The following PIK3C2G variants were observed in gnomAD, a reference collection of about 807,000 sequenced individuals.
PIK3C2G encodes the protein phosphatidylinositol-4-phosphate 3-kinase catalytic subunit type 2 gamma.
A neutral mutation model predicts 181.1 loss-of-function variants in PIK3C2G; 168 were observed. The ratio of observed to expected loss-of-function variants is 0.93; its 90% CI spans 0.82 to 1.05. The LOEUF (loss-of-function observed/expected upper bound fraction) is 1.05, where lower values mean the gene tolerates loss of function less well. Ranked by LOEUF, PIK3C2G falls within the 50% of genes least tolerant of loss-of-function variation. PIK3C2G has a pLI of 0.00. For synonymous variants in PIK3C2G, 573 were observed against 592.2 expected (o/e 0.97, Z 0.47); for missense variants, 1,869 against 1,732.8 (o/e 1.08, Z -1.40).
At chr12:18,539,137 C>G (rs934503057) in intron 25 of PIK3C2G, among the ~76,000 whole-genome samples, 3 of 151,920 alleles carry the variant, frequency 2.0e-5, no homozygotes, top group Admixed American at 1.3e-4. Context: ...GTTAAGGGTA[C>G]AAACATGGCA....
At chr12:18,698,613 A>C in the PIK3C2G span, among the ~76,000 whole-genome samples, 91 of 152,252 alleles carry the variant, frequency 6.0e-4, 1 homozygote, top group African/African-American at 1.9e-3. Flanking sequence ...GTATTTCTAC[A>C]CAAGATGGTA....
chr12:18,633,217 TATG>T (rs1949426679), intron 31 of PIK3C2G, among the ~76,000 whole-genome samples: 1 of 152,228 alleles, frequency 6.6e-6, no homozygotes, highest in African/African-American at 2.4e-5. Flanking sequence ...GCTTAAATAC[TATG>T]ATATTAATAT....
intron 5 of PIK3C2G, among the ~76,000 whole-genome samples, chr12:18,295,652 T>C (rs1949907324): frequency 6.6e-6 from 1 of 152,026 alleles, no homozygotes. Context: ...AAAATTTATT[T>C]AATTGGGTTT....
downstream of PIK3C2G, among the ~76,000 whole-genome samples, chr12:18,652,928 TCACA>T (rs1410062186): frequency 6.6e-6 from 1 of 151,782 alleles, no homozygotes; most frequent in East Asian, 1.9e-4. Context: ...ATATTCTGTC[TCACA>T]CAGAGAGAGA....
At chr12:18,726,359 G>A in the PIK3C2G span, among the ~76,000 whole-genome samples, 2 of 151,982 alleles carry the variant, frequency 1.3e-5, no homozygotes, top group Non-Finnish European at 2.9e-5. Context: ...GTTATTCTTT[G>A]CAAAGCATTA....
chr12:18,518,414 T>C (rs1186089074), intron 24 of PIK3C2G, among the ~76,000 whole-genome samples: 4 of 152,196 alleles, frequency 2.6e-5, no homozygotes, highest in Non-Finnish European at 5.9e-5. Context: ...ATTTCTGAGC[T>C]TGTTCTTGGT....
At chr12:18,652,918 A>G (rs1007043562), downstream of PIK3C2G, among the ~76,000 whole-genome samples, 3 of 151,858 alleles carry the variant, frequency 2.0e-5, no homozygotes, top group Non-Finnish European at 4.4e-5. Flanking sequence ...CAGAATATAC[A>G]TATTCTGTCT....
chr12:18,586,066 T>C (rs1401904556), intron 29 of PIK3C2G, among the ~76,000 whole-genome samples: 1 of 152,138 alleles, frequency 6.6e-6, no homozygotes, highest in Non-Finnish European at 1.5e-5. Context: ...GAGGGACATT[T>C]ATAGCTCTAA....
rs539024683 is a variant in PIK3C2G at position 18,387,366 on chromosome 12, C to T, written c.1996-3756C>T. Among the ~76,000 whole-genome samples the T allele has an allele frequency of 2.6e-5, 4 of 152,254 alleles. No homozygotes were observed. The South Asian group carries it at 8.3e-4, about 32-fold the overall frequency. ...CACTACCCAGAGGATTAAGGCCAAC[C>T]TCTGTAGCATGACCCCTGTCCCATC... On this transcript the variant is annotated intron_variant, in intron 14 of 32. Transcript: ENST00000538779.
chr12:18,698,441 T>G, the PIK3C2G span, among the ~76,000 whole-genome samples: 2 of 152,114 alleles, frequency 1.3e-5, no homozygotes, highest in African/African-American at 4.8e-5. Context: ...CCAGGATCTC[T>G]CTAATAGATA....
intron 13 of PIK3C2G, among the ~76,000 whole-genome samples, chr12:18,373,006 C>T (rs1454887964): frequency 2.0e-5 from 3 of 152,124 alleles, no homozygotes; most frequent in Non-Finnish European, 4.4e-5. Context: ...ATAAGGATTT[C>T]TAAACATTTT....
the PIK3C2G span, among the ~76,000 whole-genome samples, chr12:18,688,834 C>T: frequency 5.3e-5 from 8 of 151,926 alleles, no homozygotes; most frequent in Non-Finnish European, 8.8e-5. Flanking sequence ...AATGTACTGA[C>T]TTAGGCTAAG....
the PIK3C2G span, among the ~76,000 whole-genome samples, chr12:18,698,242 C>CTTCTATTATA: frequency 6.9e-6 from 1 of 145,402 alleles, no homozygotes. Flanking sequence ...ATACACTTTT[C>CTTCTATTATA]TTCTATTCTA....
At chr12:18,644,853 T>G (rs1354908126) in intron 32 of PIK3C2G, among the ~76,000 whole-genome samples, 1 of 152,150 alleles carries the variant, frequency 6.6e-6, no homozygotes, top group Non-Finnish European at 1.5e-5. Context: ...CCTCTACCAC[T>G]TCCCACAAGC....
chr12:18,243,222 G>A (rs1467482740), upstream of PIK3C2G, among the ~76,000 whole-genome samples: 5 of 147,574 alleles, frequency 3.4e-5, no homozygotes, highest in Admixed American at 6.8e-5. Context: ...GTGTGTGTGT[G>A]TGTATTTTAA....
intron 18 of PIK3C2G, among the ~76,000 whole-genome samples, chr12:18,468,979 A>C (rs537181384): frequency 6.6e-6 from 1 of 152,214 alleles, no homozygotes; most frequent in African/African-American, 2.4e-5. Context: ...CTTAGGGAGA[A>C]GAAAAAGACC....
At chr12:18,633,662 G>A (rs190867558) in intron 31 of PIK3C2G, among the ~76,000 whole-genome samples, 27 of 152,306 alleles carry the variant, frequency 1.8e-4, no homozygotes, top group African/African-American at 6.3e-4. Flanking sequence ...CCATTGTGCA[G>A]TAGTCGTCCA....
chr12:18,422,567 G>C (rs1198703563), intron 17 of PIK3C2G, among the ~76,000 whole-genome samples: 1 of 152,070 alleles, frequency 6.6e-6, no homozygotes, highest in African/African-American at 2.4e-5. Flanking sequence ...ATAAGACCCA[G>C]ACCCAGGGGT....
intron 8 of PIK3C2G, among the ~76,000 whole-genome samples, chr12:18,330,053 G>T (rs527451016): frequency 7.7e-4 from 117 of 152,034 alleles, no homozygotes; most frequent in African/African-American, 2.7e-3. Context: ...AGATTTATGG[G>T]AGTTCTTTAT....
Sources: allele counts gnomAD v4.1 joint callset (sites outside exome capture counted in the v4.1 genomes callset), GRCh38; gene constraint gnomAD v4.1.1; transcripts MANE v1.5; gene names NCBI Gene and HGNC (gene_info 2026-07-23, HGNC 2026-07-21).